Variants in RPS6KA2 observed in about 807,000 individuals in gnomAD.
RPS6KA2 encodes ribosomal protein S6 kinase alpha-2.
RPS6KA2 carries 42 observed loss-of-function variants against 91.8 expected under a neutral mutation model. The ratio of observed to expected loss-of-function variants is 0.46; its 90% CI spans 0.36 to 0.59. The LOEUF (loss-of-function observed/expected upper bound fraction) is 0.59, where lower values mean the gene tolerates loss of function less well. Among genes scored for constraint, RPS6KA2 ranks in the 20% least tolerant of loss-of-function variants. RPS6KA2 has a pLI of 0.00. For synonymous variants in RPS6KA2, 414 were observed against 393.6 expected, an observed-to-expected ratio of 1.05 and a Z score of -0.61; for missense variants, 798 against 978.5, an observed-to-expected ratio of 0.82 and a Z score of 2.46.
At chr6:166,537,267 GTC>G (rs1783511197) in intron 2 of RPS6KA2, among the ~76,000 whole-genome samples, 2 of 152,384 alleles carry the variant, frequency 1.3e-5, no homozygotes, top group Admixed American at 6.5e-5. Flanking sequence ...ATGCTTGCTT[GTC>G]TCTGTTTTCA....
At chr6:166,632,881 G>A (rs545658675) in intron 2 of RPS6KA2, among the ~76,000 whole-genome samples, 3 of 152,286 alleles carry the variant, frequency 2.0e-5, no homozygotes, top group African/African-American at 7.2e-5. Flanking sequence ...ACTGAGCGGT[G>A]TGGGGAGGCC....
chr6:166,501,695 G>A (rs16899023), intron 6 of RPS6KA2, among the ~76,000 whole-genome samples: 3,157 of 152,330 alleles, frequency 0.021, 116 homozygotes, highest in African/African-American at 0.073. Flanking sequence ...TCAGGCGGGA[G>A]TCTGGGCTGT....
At chr6:166,605,030 C>A (rs1166238271) in intron 1 of RPS6KA2, among the ~76,000 whole-genome samples, 1 of 152,124 alleles carries the variant, frequency 6.6e-6, no homozygotes, top group Admixed American at 6.5e-5. Flanking sequence ...CCCTCAGGCC[C>A]TCCCGTTCCA....
intron 2 of RPS6KA2, among the ~76,000 whole-genome samples, chr6:166,768,467 A>G (rs733293): frequency 0.019 from 2,954 of 152,240 alleles, 63 homozygotes; most frequent in African/African-American, 0.064. Context: ...GAGCGGCCCA[A>G]TGTTCCTTAG....
chr6:166,436,241 C>T (rs973638235), intron 14 of RPS6KA2, among the ~76,000 whole-genome samples: 18 of 150,836 alleles, frequency 1.2e-4, no homozygotes, highest in East Asian at 1.9e-4. Context: ...ATCCTCACTG[C>T]GAGTCCGTGC....
intron 1 of RPS6KA2, among the ~76,000 whole-genome samples, chr6:166,562,532 T>A (rs1349281977): frequency 6.6e-6 from 1 of 152,134 alleles, no homozygotes; most frequent in Non-Finnish European, 1.5e-5. Context: ...GACAAAGGAA[T>A]AAACTAAATA....
At chr6:166,607,319 C>G (rs756717273) in intron 1 of RPS6KA2, among the ~76,000 whole-genome samples, 1 of 152,094 alleles carries the variant, frequency 6.6e-6, no homozygotes, top group African/African-American at 2.4e-5. Context: ...TATGTCCACA[C>G]AAAAACCTGT....
At chr6:166,443,079 A>G (rs1309578321) in intron 14 of RPS6KA2, among the ~76,000 whole-genome samples, 1 of 152,262 alleles carries the variant, frequency 6.6e-6, no homozygotes. Context: ...TGTATTAAGA[A>G]TAATTATACA....
chr6:166,668,946 G>C (rs1367275378), intron 2 of RPS6KA2, among the ~76,000 whole-genome samples: 1 of 146,646 alleles, frequency 6.8e-6, no homozygotes, highest in Non-Finnish European at 1.5e-5. Context: ...GGAGTTCAGT[G>C]ATGTGATCAC....
chr6:166,514,277 T>C (rs1477010824), intron 3 of RPS6KA2, among the ~76,000 whole-genome samples: 1 of 152,238 alleles, frequency 6.6e-6, no homozygotes, highest in East Asian at 1.9e-4. Context: ...AGGCAGGCTC[T>C]GCCCTCCAGG....
At chr6:166,623,071 T>G (rs1786700720) in intron 1 of RPS6KA2, among the ~76,000 whole-genome samples, 1 of 152,240 alleles carries the variant, frequency 6.6e-6, no homozygotes, top group Non-Finnish European at 1.5e-5. Context: ...AGTCTCGCAT[T>G]TTGTCTTCCT....
chr6:166,701,419 A>T, intron 2 of RPS6KA2: 1 of 1,264,702 alleles, frequency 7.9e-7, no homozygotes, highest in Non-Finnish European at 1.2e-6. Flanking sequence ...TCATTTTTCC[A>T]TAATTCTTCC....
intron 2 of RPS6KA2, among the ~76,000 whole-genome samples, chr6:166,796,725 C>T (rs1436993384): frequency 6.6e-6 from 1 of 152,248 alleles, no homozygotes; most frequent in Non-Finnish European, 1.5e-5. Context: ...CTTTCAGTTG[C>T]TCAAAACTAC....
chr6:166,760,167 T>C (rs2128602829), intron 2 of RPS6KA2, among the ~76,000 whole-genome samples: 1 of 152,322 alleles, frequency 6.6e-6, no homozygotes, highest in East Asian at 1.9e-4. Flanking sequence ...GCGTAGCTCA[T>C]GTAGGGCAAT....
At chr6:166,444,520 A>G (rs1046431077) in intron 14 of RPS6KA2, among the ~76,000 whole-genome samples, 3 of 152,256 alleles carry the variant, frequency 2.0e-5, no homozygotes, top group Non-Finnish European at 4.4e-5. Flanking sequence ...GATAAAAGGA[A>G]GAGGAAGCGC....
chr6:166,824,807 ATGTGTGTC>A (rs1780004877), intron 2 of RPS6KA2, among the ~76,000 whole-genome samples: 9 of 133,582 alleles, frequency 6.7e-5, no homozygotes, highest in Non-Finnish European at 6.6e-5. Flanking sequence ...CTGTGTGTCT[ATGTGTGTC>A]TGTGTGTGTC....
At chr6:166,498,890 A>G (rs1440134268) in intron 7 of RPS6KA2, among the ~76,000 whole-genome samples, 3 of 152,124 alleles carry the variant, frequency 2.0e-5, no homozygotes, top group Non-Finnish European at 4.4e-5. Context: ...GAGTGTACAC[A>G]CTCAGGAGCG....
intron 2 of RPS6KA2, among the ~76,000 whole-genome samples, chr6:166,640,568 C>A (rs1051410472): frequency 2.0e-5 from 3 of 152,172 alleles, no homozygotes; most frequent in African/African-American, 7.2e-5. Context: ...TTCTGGGCAA[C>A]CTGCTGGGTC....
At chr6:166,672,908 T>C (rs1788511296) in intron 2 of RPS6KA2, among the ~76,000 whole-genome samples, 1 of 152,148 alleles carries the variant, frequency 6.6e-6, no homozygotes, top group African/African-American at 2.4e-5. Flanking sequence ...AGAAGGAGGC[T>C]CCGCACTCTT....
Sources: allele counts gnomAD v4.1 joint callset (sites outside exome capture counted in the v4.1 genomes callset), GRCh38; gene constraint gnomAD v4.1.1; transcripts MANE v1.5; gene names NCBI Gene and HGNC (gene_info 2026-07-23, HGNC 2026-07-21).